Variants in OXSR1 observed in about 807,000 individuals in gnomAD.
OXSR1 encodes oxidative stress responsive kinase 1.
In OXSR1, 24 loss-of-function variants were observed where a neutral mutation model predicts 79.8. The ratio of observed to expected loss-of-function variants is 0.30; its 90% CI spans 0.22 to 0.42. The LOEUF is 0.42. Ranked by LOEUF, OXSR1 falls within the 10% of genes least tolerant of loss-of-function variation. OXSR1 has a pLI of 1.00. For missense variants in OXSR1, 430 were observed against 618.4 expected (o/e 0.70, Z 3.23); for synonymous variants, 226 against 209.2 (o/e 1.08, Z -0.69).
chr3:38,180,432 G>A (rs1701760715), intron 1 of OXSR1, among the ~76,000 whole-genome samples: 1 of 151,506 alleles, frequency 6.6e-6, no homozygotes, highest in Non-Finnish European at 1.5e-5. Flanking sequence ...AGACTTTTGT[G>A]CCTGGCATCC....
intron 11 of OXSR1, 126 bp downstream of exon 11, chr3:38,237,087 C>T (rs1702934343): frequency 1.3e-6 from 1 of 763,460 alleles, no homozygotes. Context: ...ATAATAGGAG[C>T]CCAGTTAATT....
At chr3:38,185,872 G>A (rs907140121) in intron 2 of OXSR1, among the ~76,000 whole-genome samples, 3 of 147,232 alleles carry the variant, frequency 2.0e-5, no homozygotes, top group Non-Finnish European at 3.0e-5. Context: ...TTGAGCCCAG[G>A]ATGTTGATGC....
At chr3:38,183,914 C>T (rs1202623282) in intron 2 of OXSR1, among the ~76,000 whole-genome samples, 1 of 152,042 alleles carries the variant, frequency 6.6e-6, no homozygotes, top group African/African-American at 2.4e-5. Context: ...TTTTCAGTTT[C>T]TTTGGCTTAA....
rs1269576776 is a variant in OXSR1 at position 38,198,765 on chromosome 3, A to T, written c.336A>T (p.Glu112Asp). The change falls in exon 4 of 18, where the codon GAA becomes GAT. Residue 112 changes from glutamate (E) to aspartate (D), a missense_variant. Around this residue, in one of 3 missense-constraint regions of OXSR1, gnomAD observed 145 missense variants for 228.3 expected, o/e 0.64. Transcript: ENST00000311806. ...TTAAGCACATTGTGGCAAAAGGGGA[A>T]CACAAAAGTGGAGTCCTAGATGAAT... ...DIIKHIVAKGEHKSGVLDEST... is the reference protein window; with the variant it reads ...DIIKHIVAKGDHKSGVLDEST... The T allele has an allele frequency of 6.2e-7, 1 of 1,613,258 alleles. No individual in the cohort carries two copies. The highest frequency in any genetic ancestry group is 8.5e-7 in the Non-Finnish European group (1 of 1,179,364).
chr3:38,232,057 A>G (rs186956882), intron 10 of OXSR1, among the ~76,000 whole-genome samples: 333 of 152,236 alleles, frequency 2.2e-3, no homozygotes, highest in African/African-American at 7.7e-3. Context: ...CAGTGAGCTG[A>G]GATTGTGCCA....
chr3:38,191,081 G>T (rs959242296), intron 3 of OXSR1, among the ~76,000 whole-genome samples: 1 of 152,158 alleles, frequency 6.6e-6, no homozygotes, highest in African/African-American at 2.4e-5. Context: ...GTCTGGCTCT[G>T]TCACCCAGGC....
intron 4 of OXSR1, among the ~76,000 whole-genome samples, chr3:38,211,394 C>A (rs1702384673): frequency 6.6e-6 from 1 of 152,116 alleles, no homozygotes; most frequent in Admixed American, 6.5e-5. Flanking sequence ...TGTTATTTTC[C>A]TGGTGAATTA....
Position 38,252,382 on chromosome 3 carries a change from C to G in OXSR1, c.1499C>G (p.Thr500Ser), listed in dbSNP as rs1166420798. 1.2e-6 allele frequency: 2 copies of G among 1,609,360 alleles called. No individual in the cohort carries two copies. The highest frequency in any genetic ancestry group is 1.7e-6 in the Non-Finnish European group (2 of 1,175,714). The change falls in exon 17 of 18, where the codon ACT (threonine) becomes AGT (serine). Residue 500 changes from threonine to serine, a missense_variant. By Grantham distance (58) the Thr-to-Ser change is moderately conservative. Around this residue, in one of 3 missense-constraint regions of OXSR1, gnomAD observed 276 missense variants for 354.2 expected, o/e 0.78. Coordinates refer to ENST00000311806, the MANE Select transcript of OXSR1 (RefSeq NM_005109.3). ...GAACCTCAGTCAAATCGATCTGTCA[C>G]TTTCAAACTGGTACTCATCCCTTCT... is the stretch of plus-strand genomic sequence containing the variant. ...VEEPQSNRSV[T>S]FKLASGVEGS...
In OXSR1 at chr3:38,254,453, G is replaced by A. The variant is rs1310033898; in HGVS notation, c.*1562G>A. 3 of 387,892 alleles carry A rather than the reference G, an allele frequency of 7.7e-6. No individual in the cohort carries two copies. Among genetic ancestry groups the A allele is most frequent in the Non-Finnish European group, 1.4e-5 (3 of 219,590 alleles). The allele number at this position is 387,892 out of a possible 1,614,324, so 24.0% of individuals were successfully genotyped here. ...GGAAGAGAGGAGATGGATTTCAGTTGGGAGTTAGGAGGAGAGTAGGTGAGA... is the reference window on the plus strand; with the variant it reads ...GGAAGAGAGGAGATGGATTTCAGTTAGGAGTTAGGAGGAGAGTAGGTGAGA... On this transcript the variant is annotated 3_prime_UTR_variant, in exon 18 of 18. Coordinates refer to ENST00000311806, the MANE Select transcript of OXSR1 (RefSeq NM_005109.3).
chr3:38,184,381 C>A (rs954815444), intron 2 of OXSR1, among the ~76,000 whole-genome samples: 7 of 152,098 alleles, frequency 4.6e-5, no homozygotes, highest in African/African-American at 1.7e-4. Context: ...TGATCGAAAT[C>A]TTATTTTAAG....
chr3:38,186,843 G>A (rs1475541863), intron 2 of OXSR1, among the ~76,000 whole-genome samples: 1 of 152,128 alleles, frequency 6.6e-6, no homozygotes, highest in Non-Finnish European at 1.5e-5. Flanking sequence ...GAATTGCTGG[G>A]TAATATGGTA....
At chr3:38,245,600 A>G (rs894009761) in intron 12 of OXSR1, among the ~76,000 whole-genome samples, 13 of 152,220 alleles carry the variant, frequency 8.5e-5, no homozygotes, top group Admixed American at 1.3e-4. Context: ...AAAGATAAAT[A>G]TAATGCAAAC....
intron 5 of OXSR1, among the ~76,000 whole-genome samples, chr3:38,217,355 G>A (rs937625904): frequency 4.6e-5 from 7 of 152,172 alleles, no homozygotes; most frequent in Non-Finnish European, 7.3e-5. Context: ...TACAGTTGAA[G>A]ATATGCATAC....
rs1703308992 is a variant in OXSR1, at chr3:38,253,888, C to T, written c.*997C>T. Reference sequence around the variant, plus strand: ...TTCTGCCTGCTCTCCTGCACTGACCCTTTGGAGGGGGTCTCTGTGTGCTGA... The same window carrying T: ...TTCTGCCTGCTCTCCTGCACTGACCTTTTGGAGGGGGTCTCTGTGTGCTGA... On this transcript the variant is annotated 3_prime_UTR_variant, in exon 18 of 18. Transcript: ENST00000311806. 1 of 277,778 alleles carries T rather than the reference C, an allele frequency of 3.6e-6. No individual in the cohort carries two copies. The highest frequency in any genetic ancestry group is 1.7e-4 in the South Asian group (1 of 5,914). 17.2% of individuals were successfully genotyped at this position (277,778 alleles called of 1,614,324 possible). A position where few individuals can be genotyped will look rare whatever the true frequency, so the allele number is the denominator to read the frequency against.
At chr3:38,169,260 C>G (rs751467943) in intron 1 of OXSR1, among the ~76,000 whole-genome samples, 2 of 151,006 alleles carry the variant, frequency 1.3e-5, no homozygotes, top group African/African-American at 2.4e-5. Flanking sequence ...AATATCTATT[C>G]AAATCTTTTG....
chr3:38,219,681 A>G (rs1294438855), intron 5 of OXSR1, among the ~76,000 whole-genome samples: 3 of 152,116 alleles, frequency 2.0e-5, no homozygotes, highest in Non-Finnish European at 4.4e-5. Flanking sequence ...TTTCCCCTTC[A>G]TATGCACTTC....
intron 3 of OXSR1, among the ~76,000 whole-genome samples, chr3:38,191,880 G>A (rs1701990529): frequency 6.6e-6 from 1 of 151,894 alleles, no homozygotes; most frequent in Non-Finnish European, 1.5e-5. Flanking sequence ...TTTTTCTTAC[G>A]GCATCATTTC....
At chr3:38,204,241 G>A (rs1031273329) in intron 4 of OXSR1, among the ~76,000 whole-genome samples, 2 of 152,110 alleles carry the variant, frequency 1.3e-5, no homozygotes, top group African/African-American at 4.8e-5. Flanking sequence ...GCAGCTGGCT[G>A]TCCTCTGGCC....
chr3:38,229,860 G>A, intron 9 of OXSR1, 125 bp downstream of exon 9: 1 of 762,866 alleles, frequency 1.3e-6, no homozygotes, highest in Non-Finnish European at 2.3e-6. Flanking sequence ...AATAATTGCA[G>A]AAAGCACTAT....
Sources: allele counts gnomAD v4.1 joint callset (sites outside exome capture counted in the v4.1 genomes callset), GRCh38; gene constraint gnomAD v4.1.1; regional missense constraint gnomAD v4.1.1; transcripts MANE v1.5; gene names NCBI Gene and HGNC (gene_info 2026-07-23, HGNC 2026-07-21).